Variants in KCNJ15 observed in about 807,000 individuals in gnomAD.
KCNJ15 encodes the protein potassium inwardly rectifying channel subfamily J member 15.
In KCNJ15, 14 loss-of-function variants were observed where a neutral mutation model predicts 23.0. The observed-to-expected ratio is 0.61, with a 90% CI of 0.40 to 0.95. The LOEUF (loss-of-function observed/expected upper bound fraction) is 0.95, where lower values mean the gene tolerates loss of function less well. Ranked by LOEUF, KCNJ15 falls within the 40% of genes least tolerant of loss-of-function variation. The pLI, the probability that KCNJ15 is intolerant of heterozygous loss-of-function variation, is 0.00. For missense variants in KCNJ15, 388 were observed against 461.8 expected (o/e 0.84, Z 1.46); for synonymous variants, 185 against 183.2 (o/e 1.01, Z -0.08).
chr21:38,283,836 T>C (rs1983605370), intron 1 of KCNJ15, among the ~76,000 whole-genome samples: 1 of 83,136 alleles, frequency 1.2e-5, no homozygotes, highest in Non-Finnish European at 3.2e-5. Flanking sequence ...TTCGGTAATT[T>C]GATAAGTGAA....
In KCNJ15 at chr21:38,257,050, C is replaced by G. The variant is rs1980323040; in HGVS notation, c.-252C>G. 6.6e-6 allele frequency: 1 copy of G among 151,956 alleles called. No individual in the cohort carries two copies. The highest frequency in any genetic ancestry group is 1.5e-5 in the Non-Finnish European group (1 of 68,032). 9.4% of individuals were successfully genotyped at this position (151,956 alleles called of 1,614,324 possible). ...CAACTTGTTTTTGACTGACAGTGAA[C>G]AGTGAGAGAGTTTTCTTCATTTTGA... On this transcript the variant is annotated 5_prime_UTR_variant, in exon 1 of 3. Transcript: ENST00000398938.
At chr21:38,254,724 A>AAATCACTT (rs1383460516), upstream of KCNJ15, among the ~76,000 whole-genome samples, 1 of 152,246 alleles carries the variant, frequency 6.6e-6, no homozygotes, top group Non-Finnish European at 1.5e-5. Context: ...GACTTTGCAC[A>AAATCACTT]AATCACTTAT....
At chr21:38,267,707 A>G (rs1223667808) in intron 1 of KCNJ15, among the ~76,000 whole-genome samples, 1 of 152,216 alleles carries the variant, frequency 6.6e-6, no homozygotes, top group African/African-American at 2.4e-5. Context: ...GTTCAGATGA[A>G]AAGCCTGAGA....
intron 2 of KCNJ15, among the ~76,000 whole-genome samples, chr21:38,297,536 T>C (rs762066171): frequency 6.6e-5 from 10 of 152,326 alleles, no homozygotes; most frequent in Middle Eastern, 3.4e-3. Context: ...ACAGGCTGCA[T>C]TTGTCTCTGC....
In KCNJ15 at chr21:38,300,399, C is replaced by T. The variant is rs776839276; in HGVS notation, c.*10C>T. ...ACAGAGCAATGTCTGATCACAGGGG[C>T]GCCATCCAGGTTTAACCCTGCAAGC... On this transcript the variant is annotated 3_prime_UTR_variant, in exon 3 of 3. Transcript: ENST00000398938. The T allele has an allele frequency of 2.1e-5, 34 of 1,586,946 alleles. No homozygotes were observed. The highest frequency in any genetic ancestry group is 1.7e-4 in the Middle Eastern group (1 of 5,928).
chr21:38,267,586 GAC>G (rs1291450693), intron 1 of KCNJ15, among the ~76,000 whole-genome samples: 1 of 152,176 alleles, frequency 6.6e-6, no homozygotes, highest in Admixed American at 6.5e-5. Context: ...TTCTGAGGAA[GAC>G]ACAGTTAATG....
chr21:38,274,438 G>A (rs1276811425), intron 1 of KCNJ15, among the ~76,000 whole-genome samples: 3 of 152,126 alleles, frequency 2.0e-5, no homozygotes, highest in Non-Finnish European at 4.4e-5. Flanking sequence ...TGCACGTGGA[G>A]CTCTTGCACA....
intron 1 of KCNJ15, among the ~76,000 whole-genome samples, chr21:38,260,570 GCACAAGCA>G (rs1238875839): frequency 1.3e-5 from 2 of 152,174 alleles, no homozygotes; most frequent in African/African-American, 4.8e-5. Context: ...AAATTCTAAA[GCACAAGCA>G]CACAATTCCA....
At chr21:38,279,810 G>T (rs552894511) in intron 1 of KCNJ15, among the ~76,000 whole-genome samples, 6 of 152,138 alleles carry the variant, frequency 3.9e-5, no homozygotes, top group East Asian at 1.9e-4. Flanking sequence ...CAAGCATTTT[G>T]ATCTCTTTAA....
chr21:38,235,509 G>A (rs577121126), intron 1 of KCNJ15, among the ~76,000 whole-genome samples: 23 of 152,248 alleles, frequency 1.5e-4, no homozygotes, highest in African/African-American at 4.6e-4. Context: ...AGCCAAAGTC[G>A]TGCCACTGCA....
At chr21:38,231,118 A>G (rs1988725670) in intron 1 of KCNJ15, among the ~76,000 whole-genome samples, 1 of 152,032 alleles carries the variant, frequency 6.6e-6, no homozygotes, top group African/African-American at 2.4e-5. Context: ...TAGTTGTACA[A>G]AGTGTTACAT....
At chr21:38,246,920 G>A (rs757476870) in intron 1 of KCNJ15, among the ~76,000 whole-genome samples, 1 of 152,226 alleles carries the variant, frequency 6.6e-6, no homozygotes, top group African/African-American at 2.4e-5. Flanking sequence ...AACTTTCAAA[G>A]TTAGAAGTTA....
chr21:38,264,934 T>C (rs1443748774), intron 1 of KCNJ15, among the ~76,000 whole-genome samples: 1 of 151,942 alleles, frequency 6.6e-6, no homozygotes, highest in Non-Finnish European at 1.5e-5. Context: ...GAAAAGTAAA[T>C]ACGGAGCCAG....
rs953477771 is a variant in KCNJ15, at chr21:38,306,360, A to C, written c.*5971A>C. The stretch of plus-strand genomic sequence containing the variant: ...GAATTACTATAGTTGATTATAGAGT[A>C]TCTATTTCCTTAAAAAAAAAAAACC... On this transcript the variant is annotated 3_prime_UTR_variant, in exon 3 of 3. Coordinates refer to ENST00000398938, the MANE Select transcript of KCNJ15 (RefSeq NM_170736.3). The C allele has an allele frequency of 3.8e-5, 4 of 104,730 alleles. No individual in the cohort carries two copies. Among genetic ancestry groups the C allele is most frequent in the African/African-American group, 1.8e-4 (4 of 22,492 alleles). The allele number at this position is 104,730 out of a possible 1,614,324, so 6.5% of individuals were successfully genotyped here.
At chr21:38,234,570 G>C (rs1978477574) in intron 1 of KCNJ15, among the ~76,000 whole-genome samples, 1 of 152,184 alleles carries the variant, frequency 6.6e-6, no homozygotes, top group African/African-American at 2.4e-5. Context: ...AACTTTCCAA[G>C]TTATTAACGA....
chr21:38,291,124 ATGGGGTGTC>A, intron 1 of KCNJ15, among the ~76,000 whole-genome samples: 1 of 152,248 alleles, frequency 6.6e-6, no homozygotes, highest in Non-Finnish European at 1.5e-5. Context: ...AGTGAAAACA[ATGGGGTGTC>A]TGGGGGCTCA....
intron 1 of KCNJ15, among the ~76,000 whole-genome samples, chr21:38,240,089 G>T (rs1978886847): frequency 6.6e-6 from 1 of 151,988 alleles, no homozygotes; most frequent in South Asian, 2.1e-4. Context: ...AAATTTATGG[G>T]TTCTTTCTAC....
chr21:38,299,298 C>A lies in KCNJ15; in HGVS notation c.37C>A (p.Leu13Met). ...TCACATCGGCATGTCCAGCACCCCC[C>A]TGGTGAAGCACACTGCTGGGGCTGG... Reference protein sequence around the residue: ...AIHIGMSSTPLVKHTAGAGLK... With the variant: ...AIHIGMSSTPMVKHTAGAGLK... Residue 13 changes from leucine to methionine, a missense_variant, in exon 3 of 3, where the codon CTG becomes ATG. By Grantham distance (15) the Leu-to-Met change is conservative. Coordinates refer to ENST00000398938, the MANE Select transcript of KCNJ15 (RefSeq NM_170736.3). The surrounding 1 kb of genome is among the most constrained non-coding windows in gnomAD (Gnocchi z 4.5). 6.2e-7 allele frequency: 1 copy of A among 1,614,124 alleles called. No individual in the cohort carries two copies. The highest frequency in any genetic ancestry group is 8.5e-7 in the Non-Finnish European group (1 of 1,179,980).
At chr21:38,244,032 C>G (rs1398505688) in intron 1 of KCNJ15, among the ~76,000 whole-genome samples, 1 of 152,136 alleles carries the variant, frequency 6.6e-6, no homozygotes, top group African/African-American at 2.4e-5. Flanking sequence ...CTAAGTGACC[C>G]TCAAGCTTGG....
Sources: allele counts gnomAD v4.1 joint callset (sites outside exome capture counted in the v4.1 genomes callset), GRCh38; gene constraint gnomAD v4.1.1; non-coding constraint Gnocchi (gnomAD v3.1); transcripts MANE v1.5; gene names NCBI Gene and HGNC (gene_info 2026-07-23, HGNC 2026-07-21).